RYR2: variants seen among roughly 807,000 people sequenced by gnomAD.
RYR2 encodes the protein ryanodine receptor 2.
A neutral mutation model predicts 601.1 loss-of-function variants in RYR2; 227 were observed. That is an observed-to-expected ratio of 0.38 (90% confidence interval 0.34 to 0.42). The LOEUF is 0.42. Among genes scored for constraint, RYR2 ranks in the 10% least tolerant of loss-of-function variants. The pLI is 1.00. For missense variants in RYR2, 4,646 were observed against 6,156.5 expected (o/e 0.75, Z 8.21); for synonymous variants, 2,223 against 2,175.1 (o/e 1.02, Z -0.61).
Position 237,819,243 on chromosome 1 carries a change from T to C in RYR2, c.14590+51T>C, listed in dbSNP as rs1361539524. 1.3e-5 allele frequency: 20 copies of C among 1,543,664 alleles called. No individual in the cohort carries two copies. The highest frequency in any genetic ancestry group is 1.7e-5 in the Non-Finnish European group (19 of 1,120,980). On this transcript the variant is annotated intron_variant, in intron 101 of 104. Transcript: ENST00000366574. This position sits in a 1 kb window ranked among gnomAD's most constrained non-coding sequence, Gnocchi z 4.0. ...ATGAACATCTAGAATTTGAGCCACA[T>C]GTTGCTGAAGTTAATATTCAAGGTA...
intron 1 of RYR2, among the ~76,000 whole-genome samples, chr1:237,055,398 T>A (rs944231010): frequency 3.7e-4 from 56 of 152,178 alleles, no homozygotes; most frequent in African/African-American, 1.3e-3. Flanking sequence ...TAAATTGGGA[T>A]GTAGAGAGAT....
intron 48 of RYR2, among the ~76,000 whole-genome samples, chr1:237,644,273 C>T (rs796364523): frequency 2.6e-5 from 4 of 152,172 alleles, no homozygotes; most frequent in African/African-American, 9.6e-5. Context: ...CACTCCGTCA[C>T]CCAGGCTGGA....
intron 27 of RYR2, among the ~76,000 whole-genome samples, chr1:237,559,186 A>G (rs1354648397): frequency 6.6e-6 from 1 of 152,068 alleles, no homozygotes; most frequent in Admixed American, 6.6e-5. Flanking sequence ...AGTTCTGGAA[A>G]TTAACTAAAG....
intron 1 of RYR2, among the ~76,000 whole-genome samples, chr1:237,136,174 T>C (rs1267088071): frequency 1.3e-5 from 2 of 152,204 alleles, no homozygotes; most frequent in East Asian, 3.9e-4. Context: ...CTAATGCTGT[T>C]TGATGCAGTG....
chr1:237,515,816 CCCT>C (rs1457816457), intron 24 of RYR2, among the ~76,000 whole-genome samples: 3 of 146,358 alleles, frequency 2.0e-5, no homozygotes, highest in African/African-American at 7.6e-5. Flanking sequence ...TCCTCCTCCT[CCCT>C]CTTCTCTTCC....
At chr1:237,421,011 C>T (rs1031660169) in intron 11 of RYR2, among the ~76,000 whole-genome samples, 2 of 152,130 alleles carry the variant, frequency 1.3e-5, no homozygotes, top group African/African-American at 4.8e-5. Context: ...GAGGCTGAGG[C>T]GGGCAGATCA....
intron 45 of RYR2, 25 bp from the exon 46 acceptor site, chr1:237,638,990 A>T: frequency 6.2e-7 from 1 of 1,609,734 alleles, no homozygotes; most frequent in Non-Finnish European, 8.5e-7. Context: ...ATATTTGTTT[A>T]CTTATCTTCC....
At chr1:237,141,287 G>T (rs1673361959) in intron 1 of RYR2, among the ~76,000 whole-genome samples, 1 of 152,170 alleles carries the variant, frequency 6.6e-6, no homozygotes, top group South Asian at 2.1e-4. Flanking sequence ...GTTTGCTGTA[G>T]GATTTTGGTA....
At chr1:237,449,041 G>T (rs984280978) in intron 14 of RYR2, among the ~76,000 whole-genome samples, 1 of 151,938 alleles carries the variant, frequency 6.6e-6, no homozygotes, top group East Asian at 1.9e-4. Context: ...CTAGTAATAG[G>T]ATAAAGAGGA....
At chr1:237,518,306 T>C (rs1666761724) in intron 24 of RYR2, among the ~76,000 whole-genome samples, 1 of 152,200 alleles carries the variant, frequency 6.6e-6, no homozygotes, top group South Asian at 2.1e-4. Context: ...ATGTGCAATT[T>C]TGTTACATGC....
Position 237,423,092 on chromosome 1 carries a change from G to A in RYR2, c.849G>A (p.Ala283=). The change falls in exon 12 of 105, where the codon GCG becomes GCA. Residue 283 remains alanine (A), a splice_region_variant and synonymous_variant. Transcript: ENST00000366574. ...SLWRLETLRV[A]WSGSHIRWGQ... ...ATCAAGTCCTAACTGTTTTCATTAGGTGGAGTGGAAGCCACATAAGATGGG... is the reference window on the plus strand; with the variant it reads ...ATCAAGTCCTAACTGTTTTCATTAGATGGAGTGGAAGCCACATAAGATGGG... 6.2e-7 allele frequency: 1 copy of A among 1,612,168 alleles called. No individual in the cohort carries two copies. Among genetic ancestry groups the A allele is most frequent in the Non-Finnish European group, 8.5e-7 (1 of 1,179,362 alleles).
chr1:237,660,045 A>G lies in RYR2; in HGVS notation c.8269A>G (p.Met2757Val), dbSNP rs376015452. ...AGACTCTTCTAAGGTTCAGCCATTA[A>G]TGAAGCCATATAAGCTATTGTCTGA... is the stretch of plus-strand genomic sequence containing the variant. ...YSDSSKVQPL[M>V]KPYKLLSEKE... The change falls in exon 55 of 105, where the codon ATG (methionine) becomes GTG (valine). Residue 2757 changes from methionine to valine, a missense_variant. This residue lies in a region of RYR2 where 1,497 missense variants were observed against 1,842.6 expected (regional missense o/e 0.81). Transcript: ENST00000366574. 9 of 1,585,916 alleles carry G rather than the reference A, an allele frequency of 5.7e-6. No homozygotes were observed. The highest frequency in any genetic ancestry group is 7.7e-6 in the Non-Finnish European group (9 of 1,168,586).
At chr1:237,335,711 A>T (rs920599592) in intron 3 of RYR2, among the ~76,000 whole-genome samples, 9 of 152,274 alleles carry the variant, frequency 5.9e-5, no homozygotes, top group African/African-American at 2.2e-4. Context: ...AAAAAATTAA[A>T]ATTAATCATT....
At chr1:237,576,630 G>A (rs1018245223) in intron 29 of RYR2, among the ~76,000 whole-genome samples, 1 of 152,028 alleles carries the variant, frequency 6.6e-6, no homozygotes, top group African/African-American at 2.4e-5. Flanking sequence ...ACCACTGGTG[G>A]AGTATATAGA....
At chr1:237,665,411 A>G (rs957257461) in intron 56 of RYR2, among the ~76,000 whole-genome samples, 3 of 151,436 alleles carry the variant, frequency 2.0e-5, no homozygotes, top group Non-Finnish European at 4.4e-5. Flanking sequence ...AAAAAAAAAA[A>G]AAAAAAAAGG....
Position 237,651,276 on chromosome 1 carries a change from A to C in RYR2, c.7734-135A>C, listed in dbSNP as rs891451632. 2.6e-5 allele frequency: 17 copies of C among 661,834 alleles called. No homozygotes were observed. In the African/African-American group the frequency reaches 3.1e-4, roughly 12 times the overall value. 41.0% of individuals were successfully genotyped at this position (661,834 alleles called of 1,614,324 possible). A position where few individuals can be genotyped will look rare whatever the true frequency, so the allele number is the denominator to read the frequency against. On this transcript the variant is annotated intron_variant, in intron 50 of 104. Coordinates refer to ENST00000366574, the MANE Select transcript of RYR2 (RefSeq NM_001035.3). The stretch of plus-strand genomic sequence containing the variant: ...GTAACTAAGTGGTTAATCTTTGGAC[A>C]AAGAACATCTAATGAATACCATCTG...
At chr1:237,635,912 C>A (rs939864064) in intron 44 of RYR2, among the ~76,000 whole-genome samples, 1 of 152,152 alleles carries the variant, frequency 6.6e-6, no homozygotes, top group Admixed American at 6.5e-5. Flanking sequence ...TCTGCAGTAT[C>A]CTTACCCAAG....
At chr1:237,247,319 A>G (rs774588512) in intron 1 of RYR2, among the ~76,000 whole-genome samples, 25 of 152,160 alleles carry the variant, frequency 1.6e-4, no homozygotes. Flanking sequence ...TTTTCTTGTC[A>G]TTTCCTTTTG....
At chr1:237,304,161 G>A (rs1693646759) in intron 2 of RYR2, among the ~76,000 whole-genome samples, 1 of 152,098 alleles carries the variant, frequency 6.6e-6, no homozygotes, top group Non-Finnish European at 1.5e-5. Context: ...GGATGAGTCA[G>A]ACTTTAAAAA....
Sources: allele counts gnomAD v4.1 joint callset (sites outside exome capture counted in the v4.1 genomes callset), GRCh38; gene constraint gnomAD v4.1.1; regional missense constraint gnomAD v4.1.1; non-coding constraint Gnocchi (gnomAD v3.1); transcripts MANE v1.5; gene names NCBI Gene and HGNC (gene_info 2026-07-23, HGNC 2026-07-21).